F13A1: variants seen among roughly 807,000 people sequenced by gnomAD.
F13A1 encodes the protein FSF, A subunit.
In F13A1, 47 loss-of-function variants were observed where a neutral mutation model predicts 80.1. That is an observed-to-expected ratio of 0.59 (90% CI 0.46 to 0.75). The LOEUF is 0.75. Ranked by LOEUF, F13A1 falls within the 30% of genes least tolerant of loss-of-function variation. The pLI is 0.00. For missense variants in F13A1, 817 were observed against 930.4 expected, an observed-to-expected ratio of 0.88 and a Z score of 1.59; for synonymous variants, 349 against 344.9, an observed-to-expected ratio of 1.01 and a Z score of -0.13.
chr6:6,210,269 A>G (rs1761579242), intron 8 of F13A1, among the ~76,000 whole-genome samples: 1 of 137,424 alleles, frequency 7.3e-6, no homozygotes, highest in Non-Finnish European at 1.6e-5. Context: ...ACTAAAAATT[A>G]TTGAATTGTG....
At chr6:6,311,683 A>G (rs111609557) in intron 2 of F13A1, among the ~76,000 whole-genome samples, 105,840 of 144,918 alleles carry the variant, frequency 0.73, 39,033 homozygotes, top group East Asian at 0.86. Flanking sequence ...TATATTACAT[A>G]TGTTTATATT....
intron 6 of F13A1, among the ~76,000 whole-genome samples, chr6:6,230,329 C>T (rs1757333331): frequency 6.6e-6 from 1 of 152,032 alleles, no homozygotes; most frequent in East Asian, 1.9e-4. Flanking sequence ...CTTCCCCCAA[C>T]TTCCCTGACA....
chr6:6,253,256 C>A (rs944861698), intron 4 of F13A1, among the ~76,000 whole-genome samples: 1 of 151,804 alleles, frequency 6.6e-6, no homozygotes, highest in African/African-American at 2.4e-5. Context: ...AAACTTTGGA[C>A]CCCAATTTAT....
In F13A1 at chr6:6,195,886, C is replaced by T; in HGVS notation, c.1217-1G>A. ...GAGGCGGGGCCACACCGATACATGC[C>T]TGCATTGCACAGAGGAAGGGCGGTG... On this transcript the variant is annotated splice_acceptor_variant, in intron 9 of 14. Coordinates refer to ENST00000264870, the MANE Select transcript of F13A1 (RefSeq NM_000129.4). LOFTEE classifies it high-confidence loss of function. 6.2e-7 allele frequency: 1 copy of T among 1,614,072 alleles called. No homozygotes were observed. The highest frequency in any genetic ancestry group is 8.5e-7 in the Non-Finnish European group (1 of 1,179,954).
chr6:6,217,577 T>C (rs1037435374), intron 8 of F13A1, among the ~76,000 whole-genome samples: 2 of 151,380 alleles, frequency 1.3e-5, no homozygotes, highest in Non-Finnish European at 1.5e-5. Flanking sequence ...TACCTAATGC[T>C]GGATGACGAG....
intron 10 of F13A1, among the ~76,000 whole-genome samples, chr6:6,193,733 C>A (rs1217832067): frequency 6.6e-6 from 1 of 152,170 alleles, no homozygotes; most frequent in Non-Finnish European, 1.5e-5. Context: ...GGTCCTCCTT[C>A]TCCTTCTTTG....
intron 2 of F13A1, among the ~76,000 whole-genome samples, chr6:6,307,893 G>GT (rs1188535688): frequency 4.6e-5 from 7 of 151,554 alleles, no homozygotes; most frequent in Non-Finnish European, 8.8e-5. Flanking sequence ...ATGGGTCCTC[G>GT]TTCTGACTTC....
chr6:6,159,951 C>T (rs1583048041), intron 13 of F13A1, among the ~76,000 whole-genome samples: 1 of 152,076 alleles, frequency 6.6e-6, no homozygotes, highest in African/African-American at 2.4e-5. Flanking sequence ...GTGGCGCAAC[C>T]TTTCCCCATT....
chr6:6,147,440 C>T (rs533981789), intron 14 of F13A1, among the ~76,000 whole-genome samples: 1 of 152,296 alleles, frequency 6.6e-6, no homozygotes, highest in South Asian at 2.1e-4. Context: ...ATTCATTGAA[C>T]TCTTTGCAAG....
At chr6:6,239,126 T>C (rs1041892985) in intron 6 of F13A1, among the ~76,000 whole-genome samples, 8 of 152,178 alleles carry the variant, frequency 5.3e-5, no homozygotes, top group African/African-American at 1.9e-4. Flanking sequence ...GGTGAATGGA[T>C]AGACAAATTG....
chr6:6,192,326 A>C (rs1301438271), intron 10 of F13A1, among the ~76,000 whole-genome samples: 3 of 152,186 alleles, frequency 2.0e-5, no homozygotes, highest in Non-Finnish European at 4.4e-5. Flanking sequence ...TAGACAGAAA[A>C]GGAGCAAGAG....
At chr6:6,251,935 A>G (rs1380867180) in intron 4 of F13A1, among the ~76,000 whole-genome samples, 1 of 152,122 alleles carries the variant, frequency 6.6e-6, no homozygotes, top group Admixed American at 6.5e-5. Context: ...CTAGGAAGCA[A>G]TGGCGTGACT....
chr6:6,168,767 C>T (rs1450556897), intron 12 of F13A1, among the ~76,000 whole-genome samples: 2 of 152,216 alleles, frequency 1.3e-5, no homozygotes, highest in African/African-American at 4.8e-5. Flanking sequence ...AGTTTTGCAG[C>T]AGGGTGGGGT....
intron 8 of F13A1, among the ~76,000 whole-genome samples, chr6:6,202,578 T>C (rs1761417202): frequency 1.3e-5 from 2 of 152,288 alleles, no homozygotes; most frequent in Admixed American, 1.3e-4. Context: ...AAGTTCTCAC[T>C]ATACAGTCAA....
chr6:6,280,181 GTGCTTA>G (rs1202799777), intron 3 of F13A1, among the ~76,000 whole-genome samples: 1 of 152,168 alleles, frequency 6.6e-6, no homozygotes, highest in Admixed American at 6.6e-5. Context: ...ATGTTTACTA[GTGCTTA>G]TGATGAGCAG....
chr6:6,253,576 G>C (rs1357726812), intron 4 of F13A1, among the ~76,000 whole-genome samples: 1 of 152,170 alleles, frequency 6.6e-6, no homozygotes, highest in Non-Finnish European at 1.5e-5. Context: ...ACCGGAAGCA[G>C]AGCTGGCTAG....
intron 3 of F13A1, among the ~76,000 whole-genome samples, chr6:6,277,027 G>A (rs1004618831): frequency 1.3e-5 from 2 of 152,070 alleles, no homozygotes; most frequent in African/African-American, 2.4e-5. Context: ...GGGATGGGAG[G>A]TGGTACACAC....
At chr6:6,173,367 C>T (rs1760809407) in intron 12 of F13A1, among the ~76,000 whole-genome samples, 1 of 151,500 alleles carries the variant, frequency 6.6e-6, no homozygotes, top group African/African-American at 2.4e-5. Flanking sequence ...TTCCTAGGCC[C>T]CTCCTAGATG....
chr6:6,160,822 T>G (rs917940042), intron 13 of F13A1, among the ~76,000 whole-genome samples: 9 of 151,590 alleles, frequency 5.9e-5, no homozygotes. Flanking sequence ...TTAAAAACTC[T>G]TGGAAACAGT....
Sources: allele counts gnomAD v4.1 joint callset (sites outside exome capture counted in the v4.1 genomes callset), GRCh38; gene constraint gnomAD v4.1.1; transcripts MANE v1.5; gene names NCBI Gene and HGNC (gene_info 2026-07-23, HGNC 2026-07-21).